LRP6: variants seen among roughly 807,000 people sequenced by gnomAD.
LRP6 encodes the protein low-density lipoprotein receptor-related protein 6.
A neutral mutation model predicts 184.1 loss-of-function variants in LRP6; 43 were observed. The observed-to-expected ratio is 0.23, with a 90% confidence interval of 0.18 to 0.30. The LOEUF is 0.30. Ranked by LOEUF, LRP6 falls within the 10% of genes least tolerant of loss-of-function variation. LRP6 has a pLI of 1.00. For synonymous variants in LRP6, 719 were observed against 684.9 expected, an observed-to-expected ratio of 1.05 and a Z score of -0.78; for missense variants, 1,571 against 2,005.3, an observed-to-expected ratio of 0.78 and a Z score of 4.14.
intron 5 of LRP6, among the ~76,000 whole-genome samples, chr12:12,181,675 G>A (rs1486003516): frequency 4.6e-5 from 7 of 152,092 alleles, no homozygotes; most frequent in Admixed American, 6.6e-5. Flanking sequence ...TACATTCTAT[G>A]GTTTCATTGG....
intron 1 of LRP6, among the ~76,000 whole-genome samples, chr12:12,257,183 T>C (rs1865485058): frequency 6.6e-6 from 1 of 152,128 alleles, no homozygotes; most frequent in African/African-American, 2.4e-5. Flanking sequence ...AGTGGTGATG[T>C]TTTACAACCC....
Position 12,183,361 on chromosome 12 carries a change from A to C in LRP6, c.976+619T>G, listed in dbSNP as rs374254520. 2.6e-5 allele frequency among the ~76,000 whole-genome samples: 4 copies of C among 152,352 alleles called. No individual in the cohort carries two copies. The East Asian group carries it at 5.8e-4, about 22-fold the overall frequency. On this transcript the variant is annotated intron_variant, in intron 5 of 22. Transcript: ENST00000261349. Reference sequence around the variant, plus strand: ...AAAACAGAAGAACTGGTGTTCTTCCAAACTGGAAGTCCCTTAAAATGTCCT... The same window carrying C: ...AAAACAGAAGAACTGGTGTTCTTCCCAACTGGAAGTCCCTTAAAATGTCCT...
At chr12:12,239,703 G>C (rs570510256) in intron 2 of LRP6, among the ~76,000 whole-genome samples, 1 of 151,240 alleles carries the variant, frequency 6.6e-6, no homozygotes, top group South Asian at 2.1e-4. Context: ...ACAGAGGAAG[G>C]TATCCTTTTC....
Position 12,147,519 on chromosome 12 carries a change from T to C in LRP6, c.3244A>G (p.Lys1082Glu), listed in dbSNP as rs747560448. Residue 1082 changes from lysine to glutamate, a missense_variant, in exon 15 of 23, where the codon AAA becomes GAA. Lys to Glu is a moderately conservative substitution (Grantham distance 56, BLOSUM62 1). Coordinates refer to ENST00000261349, the MANE Select transcript of LRP6 (RefSeq NM_002336.3). Reference sequence around the variant, plus strand: ...CCATCCAAAGCAGCCCGTTCAATTTTAGGAGACCTTTCCTGAAGATTGGTA... The same window carrying C: ...CCATCCAAAGCAGCCCGTTCAATTTCAGGAGACCTTTCCTGAAGATTGGTA... Reference protein sequence around the residue: ...YFTNLQERSPKIERAALDGTE... With the variant: ...YFTNLQERSPEIERAALDGTE... 3.1e-6 allele frequency: 5 copies of C among 1,614,100 alleles called. No homozygotes were observed. The highest frequency in any genetic ancestry group is 1.7e-5 in the Admixed American group (1 of 60,014).
chr12:12,202,318 G>C (rs1375028608), intron 3 of LRP6, among the ~76,000 whole-genome samples: 1 of 152,208 alleles, frequency 6.6e-6, no homozygotes, highest in Non-Finnish European at 1.5e-5. Context: ...CGAGGCCGGT[G>C]AATCACTTGG....
At chr12:12,257,306 C>G (rs897128900) in intron 1 of LRP6, among the ~76,000 whole-genome samples, 1 of 151,982 alleles carries the variant, frequency 6.6e-6, no homozygotes, top group African/African-American at 2.4e-5. Flanking sequence ...AGGCCGGGTG[C>G]GGTGGCTCAC....
Position 12,160,016 on chromosome 12 carries a change from GAA to G in LRP6, c.2280-54_2280-53del, listed in dbSNP as rs778739732. The G allele has an allele frequency of 2.3e-5, 31 of 1,327,060 alleles. 1 individual carries two copies. In the Middle Eastern group the frequency reaches 7.7e-4, roughly 33 times the overall value. 82.2% of individuals were successfully genotyped at this position (1,327,060 alleles called of 1,614,324 possible). A position where few individuals can be genotyped will look rare whatever the true frequency, so the allele number is the denominator to read the frequency against. On this transcript the variant is annotated intron_variant, in intron 10 of 22. Coordinates refer to ENST00000261349, the MANE Select transcript of LRP6 (RefSeq NM_002336.3). ...CATTTCAATTTTTTATTATCTGGGG[GAA>G]AGAGTCATATTCATGCAAAGTAACT...
chr12:12,228,084 A>T (rs1363273545), intron 2 of LRP6, among the ~76,000 whole-genome samples: 1 of 152,084 alleles, frequency 6.6e-6, no homozygotes, highest in East Asian at 1.9e-4. Flanking sequence ...TAAGAAAGAG[A>T]GCCTGGCCAG....
At chr12:12,211,228 A>T (rs1377637622) in intron 2 of LRP6, 1 of 152,310 alleles carries the variant, frequency 6.6e-6, no homozygotes, top group African/African-American at 2.4e-5. Context: ...TGATGTCAGC[A>T]GTTTGAGACC....
At chr12:12,259,386 A>G (rs772469860) in intron 1 of LRP6, among the ~76,000 whole-genome samples, 9 of 152,186 alleles carry the variant, frequency 5.9e-5, no homozygotes, top group Non-Finnish European at 1.3e-4. Flanking sequence ...TAAAAATATA[A>G]TTTCATTTTG....
intron 1 of LRP6, among the ~76,000 whole-genome samples, chr12:12,252,810 T>C (rs145303292): frequency 1.8e-3 from 275 of 152,358 alleles, no homozygotes; most frequent in Middle Eastern, 0.01. Flanking sequence ...ATAATCTTGA[T>C]ACATTCTTGA....
At chr12:12,215,948 G>A (rs576169679) in intron 2 of LRP6, among the ~76,000 whole-genome samples, 3 of 152,148 alleles carry the variant, frequency 2.0e-5, no homozygotes, top group African/African-American at 7.2e-5. Flanking sequence ...CAAGGCAGAG[G>A]TTGCAGTGAG....
At chr12:12,169,537 C>A (rs935555204) in intron 7 of LRP6, among the ~76,000 whole-genome samples, 6 of 152,248 alleles carry the variant, frequency 3.9e-5, no homozygotes, top group African/African-American at 1.4e-4. Flanking sequence ...AGAAAAAGGT[C>A]TTCAGCAACA....
At position 12,243,899 on chromosome 12, in the gene LRP6, C is replaced by T. The variant is rs532867833; in HGVS notation, c.449+363G>A. On this transcript the variant is annotated intron_variant, in intron 2 of 22. Coordinates refer to ENST00000261349, the MANE Select transcript of LRP6 (RefSeq NM_002336.3). ...CCGTCTAGCTAGGATTACAGATGTG[C>T]GCCACTACGCCCAGCTAACAAAAAA... Among the ~76,000 whole-genome samples, 11 of 152,220 alleles carry T rather than the reference C, an allele frequency of 7.2e-5. No homozygotes were observed. The South Asian group carries it at 1.0e-3, about 14-fold the overall frequency.
chr12:12,190,824 T>A (rs902111176), intron 3 of LRP6, among the ~76,000 whole-genome samples: 1 of 152,074 alleles, frequency 6.6e-6, no homozygotes, highest in Non-Finnish European at 1.5e-5. Flanking sequence ...TGTAATAATA[T>A]CTAAGAAGAC....
chr12:12,148,323 A>G (rs1022432378), intron 14 of LRP6, among the ~76,000 whole-genome samples: 3 of 151,986 alleles, frequency 2.0e-5, no homozygotes, highest in Admixed American at 2.0e-4. Flanking sequence ...ATAACTAAAA[A>G]GAAGTTACAT....
At chr12:12,209,938 T>A (rs997062987) in intron 2 of LRP6, among the ~76,000 whole-genome samples, 1 of 152,162 alleles carries the variant, frequency 6.6e-6, no homozygotes, top group Non-Finnish European at 1.5e-5. Flanking sequence ...GAGTTGTCAA[T>A]AAAATATACC....
chr12:12,218,882 A>G (rs1459981925), intron 2 of LRP6, among the ~76,000 whole-genome samples: 1 of 152,226 alleles, frequency 6.6e-6, no homozygotes, highest in Non-Finnish European at 1.5e-5. Context: ...ATTGCAGGAA[A>G]GAGAGAAACT....
At chr12:12,164,128 TAA>T (rs770056510) in intron 9 of LRP6, 143 bp downstream of exon 9, 2,306 of 602,118 alleles carry the variant, frequency 3.8e-3, no homozygotes, top group Middle Eastern at 8.4e-3. Context: ...AGACACCGTT[TAA>T]AAAAAAAAAA....
Sources: allele counts gnomAD v4.1 joint callset (sites outside exome capture counted in the v4.1 genomes callset), GRCh38; gene constraint gnomAD v4.1.1; transcripts MANE v1.5; gene names NCBI Gene and HGNC (gene_info 2026-07-23, HGNC 2026-07-21).